TRAF3: variants seen among roughly 807,000 people sequenced by gnomAD.
The protein encoded by TRAF3 is TNF receptor-associated factor 3.
A neutral mutation model predicts 62.3 loss-of-function variants in TRAF3; 13 were observed. The ratio of observed to expected loss-of-function variants is 0.21; its 90% CI spans 0.14 to 0.33. The LOEUF is 0.33. Among genes scored for constraint, TRAF3 ranks in the 10% least tolerant of loss-of-function variants. TRAF3 has a pLI of 1.00. For synonymous variants in TRAF3, 269 were observed against 283.4 expected, an observed-to-expected ratio of 0.95 and a Z score of 0.51; for missense variants, 440 against 741.8, an observed-to-expected ratio of 0.59 and a Z score of 4.73.
At chr14:102,834,287 G>A (rs1034288972) in intron 2 of TRAF3, among the ~76,000 whole-genome samples, 1 of 152,124 alleles carries the variant, frequency 6.6e-6, no homozygotes, top group Non-Finnish European at 1.5e-5. Context: ...CAGAAATAAG[G>A]CTGCACACCT....
In TRAF3 at chr14:102,789,850, CCTT is replaced by C. The variant is rs1173537822; in HGVS notation, c.-157+12178_-157+12180del. On this transcript the variant is annotated intron_variant, in intron 1 of 11. Transcript: ENST00000392745. ...TCTTCTTTTTTTTGAGACCGAGTCT[CCTT>C]CTGTTGCCCAGGCTGGAGTGCAGTG... Among the ~76,000 whole-genome samples, 3 of 151,388 alleles carry C rather than the reference CCTT, an allele frequency of 2.0e-5. No homozygotes were observed. The South Asian group carries it at 6.3e-4, about 32-fold the overall frequency.
chr14:102,778,730 C>T (rs764089132), intron 1 of TRAF3, among the ~76,000 whole-genome samples: 14 of 152,146 alleles, frequency 9.2e-5, no homozygotes, highest in Non-Finnish European at 1.8e-4. Flanking sequence ...TTTTTCCTAG[C>T]ATTTGCTGCG....
chr14:102,809,035 G>A (rs1053858869), intron 1 of TRAF3: 10 of 152,064 alleles, frequency 6.6e-5, no homozygotes, highest in African/African-American at 2.4e-4. Context: ...CACCCAGGCT[G>A]GAGTGCAGTG....
At chr14:102,873,220 A>G (rs1888444094) in intron 4 of TRAF3, among the ~76,000 whole-genome samples, 1 of 152,200 alleles carries the variant, frequency 6.6e-6, no homozygotes, top group Admixed American at 6.5e-5. Flanking sequence ...GCTGCCAGGC[A>G]CACAGGCATC....
At position 102,870,429 on chromosome 14, in the gene TRAF3, C is replaced by T; in HGVS notation, c.228C>T (p.Cys76=). The T allele has an allele frequency of 6.2e-7, 1 of 1,613,820 alleles. No homozygotes were observed. Among genetic ancestry groups the T allele is most frequent in the Non-Finnish European group, 8.5e-7 (1 of 1,179,962 alleles). Residue 76 remains cysteine, a synonymous_variant, in exon 3 of 12, where the codon TGC becomes TGT. Transcript: ENST00000392745. ...GTGGGCACCGCTTCTGCGAGAGCTG[C>T]ATGGCGGCCCTGCTGAGGTAGGCGC... ...TECGHRFCES[C]MAALLSSSSP...
At chr14:102,778,583 C>T (rs1178507210) in intron 1 of TRAF3, among the ~76,000 whole-genome samples, 7 of 143,494 alleles carry the variant, frequency 4.9e-5, no homozygotes, top group Non-Finnish European at 1.1e-4. Context: ...ATGCGTGGTG[C>T]GTGGTGTGTG....
intron 10 of TRAF3, among the ~76,000 whole-genome samples, chr14:102,901,500 G>A (rs1019204523): frequency 3.3e-5 from 5 of 152,198 alleles, no homozygotes; most frequent in African/African-American, 7.2e-5. Context: ...TAGAGGAGCC[G>A]TGTATTTGGA....
intron 7 of TRAF3, among the ~76,000 whole-genome samples, chr14:102,887,412 T>A (rs1889457111): frequency 6.6e-6 from 1 of 152,106 alleles, no homozygotes; most frequent in African/African-American, 2.4e-5. Context: ...AGAGCCACTC[T>A]CCCCCAGGGT....
intron 3 of TRAF3, among the ~76,000 whole-genome samples, chr14:102,871,179 A>G (rs946221062): frequency 1.3e-5 from 2 of 152,158 alleles, no homozygotes; most frequent in African/African-American, 2.4e-5. Context: ...CCTGGGCTGC[A>G]CCCGAGCCCC....
chr14:102,891,902 T>C (rs2062404876), intron 9 of TRAF3, among the ~76,000 whole-genome samples: 1 of 152,194 alleles, frequency 6.6e-6, no homozygotes, highest in Non-Finnish European at 1.5e-5. Flanking sequence ...CTAAATGCGT[T>C]AAACTTCTGT....
At chr14:102,888,280 G>C (rs1268068731) in intron 7 of TRAF3, among the ~76,000 whole-genome samples, 1 of 152,186 alleles carries the variant, frequency 6.6e-6, no homozygotes, top group Non-Finnish European at 1.5e-5. Flanking sequence ...CTTCCTGCAG[G>C]GGCAGCCGGT....
intron 1 of TRAF3, among the ~76,000 whole-genome samples, chr14:102,816,806 A>C (rs1375324821): frequency 6.6e-6 from 1 of 151,968 alleles, no homozygotes. Context: ...GTAGTCATGC[A>C]CTCCTGTGCC....
chr14:102,852,162 G>A (rs1887082857), intron 2 of TRAF3, among the ~76,000 whole-genome samples: 1 of 151,806 alleles, frequency 6.6e-6, no homozygotes, highest in African/African-American at 2.4e-5. Context: ...TACAGACAAG[G>A]TCTCTCTCTT....
chr14:102,847,533 T>C (rs566975008), intron 2 of TRAF3, among the ~76,000 whole-genome samples: 1 of 152,288 alleles, frequency 6.6e-6, no homozygotes, highest in South Asian at 2.1e-4. Flanking sequence ...CCAACTATTA[T>C]TATTTTCTGG....
intron 2 of TRAF3, among the ~76,000 whole-genome samples, chr14:102,860,055 G>A (rs1238208502): frequency 2.6e-5 from 4 of 152,170 alleles, no homozygotes; most frequent in African/African-American, 9.7e-5. Flanking sequence ...CCCTTTCTGA[G>A]ATCAGCCCAT....
At chr14:102,824,652 T>G (rs1380055764) in intron 1 of TRAF3, among the ~76,000 whole-genome samples, 2 of 152,240 alleles carry the variant, frequency 1.3e-5, no homozygotes, top group African/African-American at 4.8e-5. Flanking sequence ...TGAGACCTAT[T>G]GGGATGTTTC....
intron 3 of TRAF3, among the ~76,000 whole-genome samples, chr14:102,871,482 G>A (rs950908503): frequency 3.3e-5 from 5 of 152,212 alleles, no homozygotes; most frequent in Non-Finnish European, 7.3e-5. Flanking sequence ...GTCCCCCTGT[G>A]CAGGTGCCAT....
chr14:102,897,273 C>T lies in TRAF3; in HGVS notation c.832C>T (p.Gln278Ter). 1 of 1,612,450 alleles carries T rather than the reference C, an allele frequency of 6.2e-7. No individual in the cohort carries two copies. Among genetic ancestry groups the T allele is most frequent in the Non-Finnish European group, 8.5e-7 (1 of 1,179,386 alleles). ...ATTTCTTTTTTAGGTTTCCTTGTTG[C>T]AGAATGAAAGTGTAGAAAAAAACAA... Reference protein sequence around the residue: ...NSLEKKVSLLQNESVEKNKSI... With the variant: ...NSLEKKVSLL The change falls in exon 10 of 12, where the codon CAG (glutamine) becomes TAG (stop). Residue 278 changes from glutamine to a stop codon, truncating the protein, a stop_gained. Coordinates refer to ENST00000392745, the MANE Select transcript of TRAF3 (RefSeq NM_145725.3). LOFTEE classifies it high-confidence loss of function.
chr14:102,876,377 G>T lies in TRAF3; in HGVS notation c.422G>T (p.Cys141Phe). The T allele has an allele frequency of 6.2e-7, 1 of 1,614,130 alleles. No individual in the cohort carries two copies. The highest frequency in any genetic ancestry group is 8.5e-7 in the Non-Finnish European group (1 of 1,179,990). ...GHLLVHLKND[C>F]HFEELPCVRP... ...TTACAGGTGCATTTAAAAAATGATTGCCATTTTGAAGAACTTCCATGTGTG... is the reference window on the plus strand; with the variant it reads ...TTACAGGTGCATTTAAAAAATGATTTCCATTTTGAAGAACTTCCATGTGTG... Residue 141 changes from cysteine (C) to phenylalanine (F), a missense_variant, in exon 6 of 12, where the codon TGC becomes TTC. Coordinates refer to ENST00000392745, the MANE Select transcript of TRAF3 (RefSeq NM_145725.3).
Sources: allele counts gnomAD v4.1 joint callset (sites outside exome capture counted in the v4.1 genomes callset), GRCh38; gene constraint gnomAD v4.1.1; transcripts MANE v1.5; gene names NCBI Gene and HGNC (gene_info 2026-07-23, HGNC 2026-07-21).